Variants in FCN3 observed in about 807,000 individuals in gnomAD.
FCN3 encodes ficolin 3.
In FCN3, 28 loss-of-function variants were observed where a neutral mutation model predicts 31.5. The observed-to-expected ratio is 0.89, with a 90% CI of 0.66 to 1.22. The LOEUF (loss-of-function observed/expected upper bound fraction) is 1.22. Among genes scored for constraint, FCN3 ranks in the 50% most tolerant of loss-of-function variants. The pLI, the probability that FCN3 is intolerant of heterozygous loss-of-function variation, is 0.00. For synonymous variants in FCN3, 124 were observed against 147.4 expected (o/e 0.84, Z 1.15); for missense variants, 351 against 386.8 (o/e 0.91, Z 0.78).
intron 7 of FCN3, 30 bp downstream of exon 7, chr1:27,370,566 C>T: frequency 3.1e-6 from 5 of 1,599,458 alleles, no homozygotes; most frequent in Non-Finnish European, 4.3e-6. Flanking sequence ...GATCCAGCCT[C>T]CTTCCTCTGC....
At chr1:27,373,286 G>A in intron 4 of FCN3, 23 bp from the exon 5 acceptor site, 1 of 1,613,854 alleles carries the variant, frequency 6.2e-7, no homozygotes, top group South Asian at 1.1e-5. Flanking sequence ...AGATGGACTG[G>A]GGTGGTGCCC....
intron 2 of FCN3, 66 bp from the exon 3 acceptor site, chr1:27,374,075 G>T (rs1005675568): frequency 2.1e-6 from 3 of 1,434,444 alleles, no homozygotes; most frequent in Non-Finnish European, 2.9e-6. Flanking sequence ...AGAAACAAGA[G>T]ACTTGGAGCC....
In FCN3 at chr1:27,373,868, G is replaced by C. The variant is rs2016197993; in HGVS notation, c.232+97C>G. On this transcript the variant is annotated intron_variant, in intron 3 of 7. Transcript: ENST00000270879. ...CCCAGCCATCCATTCCCCTGTGAGA[G>C]AGCCATCATAGGCACAGCAGCCAAG... 2.8e-6 allele frequency: 3 copies of C among 1,063,436 alleles called. No individual in the cohort carries two copies. The Admixed American group carries it at 6.0e-5, about 21-fold the overall frequency. The allele number at this position is 1,063,436 out of a possible 1,614,324, so 65.9% of individuals were successfully genotyped here.
intron 5 of FCN3, among the ~76,000 whole-genome samples, chr1:27,372,656 A>T (rs1386256133): frequency 6.6e-6 from 1 of 152,016 alleles, no homozygotes; most frequent in African/African-American, 2.4e-5. Context: ...GTGCCGGCAG[A>T]CTTTAGCCGA....
chr1:27,369,567 TAA>T, intron 7 of FCN3, 90 bp from the exon 8 acceptor site: 3 of 1,273,756 alleles, frequency 2.4e-6, no homozygotes, highest in Admixed American at 3.8e-5. Flanking sequence ...TCAGAGCAAC[TAA>T]GAGTTGAATT....
intron 1 of FCN3, 64 bp from the exon 2 acceptor site, chr1:27,374,515 T>C (rs2016212043): frequency 9.2e-7 from 1 of 1,081,704 alleles, no homozygotes; most frequent in African/African-American, 1.6e-5. Context: ...CCTCTTCAGT[T>C]CTCTTCCTGT....
chr1:27,372,773 AT>A (rs71010351), intron 5 of FCN3, among the ~76,000 whole-genome samples: 163 of 96,430 alleles, frequency 1.7e-3, no homozygotes, highest in African/African-American at 4.6e-3. Context: ...TCCCTACCCT[AT>A]TTTTTTTTTT....
chr1:27,374,155 A>G (rs1239227875), intron 2 of FCN3, 146 bp from the exon 3 acceptor site: 1 of 777,556 alleles, frequency 1.3e-6, no homozygotes, highest in Non-Finnish European at 2.1e-6. Flanking sequence ...TCCTCTCTGA[A>G]CCTCCCTTTC....
chr1:27,371,617 A>G (rs2016147509), intron 5 of FCN3, among the ~76,000 whole-genome samples: 1 of 152,168 alleles, frequency 6.6e-6, no homozygotes, highest in Non-Finnish European at 1.5e-5. Context: ...ATTTTACATT[A>G]GAGAGGCCAC....
intron 5 of FCN3, among the ~76,000 whole-genome samples, chr1:27,372,765 C>T (rs1409252093): frequency 7.1e-6 from 1 of 141,842 alleles, no homozygotes; most frequent in Non-Finnish European, 1.5e-5. Flanking sequence ...AATGCCCCTC[C>T]CTACCCTATT....
chr1:27,369,611 C>G, intron 7 of FCN3, 134 bp from the exon 8 acceptor site: 1 of 807,004 alleles, frequency 1.2e-6, no homozygotes, highest in Non-Finnish European at 2.0e-6. Flanking sequence ...ACCAAGGGGC[C>G]AGGTTGTTTG....
intron 5 of FCN3, 34 bp from the exon 6 acceptor site, chr1:27,371,006 A>G: frequency 6.2e-7 from 1 of 1,602,774 alleles, no homozygotes; most frequent in Non-Finnish European, 8.5e-7. Flanking sequence ...CTATTACTCC[A>G]GGCTGGGCAC....
At chr1:27,372,886 T>C (rs375520373) in intron 5 of FCN3, among the ~76,000 whole-genome samples, 2 of 149,336 alleles carry the variant, frequency 1.3e-5, no homozygotes, top group East Asian at 4.0e-4. Context: ...CAGGCAATTC[T>C]CTTGCCTCAG....
In FCN3 at chr1:27,374,391, C is replaced by T. The variant is rs2016208795; in HGVS notation, c.152G>A (p.Gly51Glu). ...TGGGGCTCCCTTCTCCCCAGGACTT[C>T]CTGGAGCTCCGGGACAACTGGGCAG... ...VLLPSCPGAP[G>E]SPGEKGAPGP... The change falls in exon 2 of 8, where the codon GGA (glycine) becomes GAA (glutamate). Residue 51 changes from glycine (G) to glutamate (E), a missense_variant. Physicochemically the swap from Gly to Glu is moderately conservative, Grantham distance 98. Coordinates refer to ENST00000270879, the MANE Select transcript of FCN3 (RefSeq NM_003665.4). 15 of 1,613,924 alleles carry T rather than the reference C, an allele frequency of 9.3e-6. No individual in the cohort carries two copies. The highest frequency in any genetic ancestry group is 1.3e-5 in the Non-Finnish European group (15 of 1,179,906).
At chr1:27,374,612 A>AAAT in intron 1 of FCN3, 116 bp downstream of exon 1, 1 of 763,666 alleles carries the variant, frequency 1.3e-6, no homozygotes, top group Non-Finnish European at 2.1e-6. Context: ...ATTTACATGC[A>AAAT]GAGCCCAGAT....
rs934948097 is a variant in FCN3, at chr1:27,370,824, G to A, written c.523+19C>T. The A allele has an allele frequency of 1.2e-6, 2 of 1,613,518 alleles. No homozygotes were observed. The highest frequency in any genetic ancestry group is 1.7e-6 in the Non-Finnish European group (2 of 1,179,588). ...GCAGACAGTAACCCCCAGACTCCAGGACCCTGCTGGGAACTCACCCTGGAG... is the reference window on the plus strand; with the variant it reads ...GCAGACAGTAACCCCCAGACTCCAGAACCCTGCTGGGAACTCACCCTGGAG... On this transcript the variant is annotated intron_variant, in intron 6 of 7. Transcript: ENST00000270879.
chr1:27,373,150 C>G lies in FCN3; in HGVS notation c.379G>C (p.Gly127Arg), dbSNP rs758972568. The part of the protein sequence containing the change: ...LPVFCDMDTE[G>R]GGWLVFQRRQ... ...CAGACACTCACCAGCCAGCCGCCCC[C>G]CTCGGTGTCCATGTCACAAAAGACT... The change falls in exon 5 of 8, where the codon GGG becomes CGG. Residue 127 changes from glycine (G) to arginine (R), a missense_variant. Gly to Arg is a moderately radical substitution (Grantham distance 125). Transcript: ENST00000270879. The G allele has an allele frequency of 3.0e-5, 48 of 1,613,872 alleles. No homozygotes were observed. In the Admixed American group the frequency reaches 3.7e-4, roughly 12 times the overall value.
intron 3 of FCN3, 86 bp downstream of exon 3, chr1:27,373,879 G>C (rs1392417750): frequency 5.9e-6 from 7 of 1,192,126 alleles, no homozygotes; most frequent in Non-Finnish European, 2.5e-6. Flanking sequence ...AGCCATCATA[G>C]GCACAGCAGC....
Position 27,373,954 on chromosome 1 carries a change from C to T in FCN3, c.232+11G>A. 1 of 1,612,982 alleles carries T rather than the reference C, an allele frequency of 6.2e-7. No individual in the cohort carries two copies. The highest frequency in any genetic ancestry group is 8.5e-7 in the Non-Finnish European group (1 of 1,179,322). On this transcript the variant is annotated intron_variant, in intron 3 of 7. Coordinates refer to ENST00000270879, the MANE Select transcript of FCN3 (RefSeq NM_003665.4). ...AAGAAAGCGGGGAGGCCTCCAGCCCCACTTACTCACCTGGCTCACCCTTGG... is the reference window on the plus strand; with the variant it reads ...AAGAAAGCGGGGAGGCCTCCAGCCCTACTTACTCACCTGGCTCACCCTTGG...
Sources: allele counts gnomAD v4.1 joint callset (sites outside exome capture counted in the v4.1 genomes callset), GRCh38; gene constraint gnomAD v4.1.1; transcripts MANE v1.5; gene names NCBI Gene and HGNC (gene_info 2026-07-23, HGNC 2026-07-21).